The following RAPGEF6 variants were observed in gnomAD, a reference collection of about 807,000 sequenced individuals.
RAPGEF6 encodes PDZ domain containing guanine nucleotide exchange factor (GEF) 2.
In RAPGEF6, 56 loss-of-function variants were observed where a neutral mutation model predicts 171.4. The observed-to-expected ratio is 0.33, with a 90% CI of 0.26 to 0.41. The LOEUF (loss-of-function observed/expected upper bound fraction) is 0.41, where lower values mean the gene tolerates loss of function less well. RAPGEF6 is among the 10% of genes least tolerant of loss of function. The pLI, the probability that RAPGEF6 is intolerant of heterozygous loss-of-function variation, is 1.00. For synonymous variants in RAPGEF6, 692 were observed against 650.1 expected (o/e 1.06, Z -0.98); for missense variants, 1,674 against 1,921.4 (o/e 0.87, Z 2.41).
chr5:131,525,696 T>C (rs1486861696), intron 6 of RAPGEF6, among the ~76,000 whole-genome samples: 1 of 151,898 alleles, frequency 6.6e-6, no homozygotes, highest in Non-Finnish European at 1.5e-5. Flanking sequence ...ATGAAGTAGT[T>C]GGAAAGGCAA....
At chr5:131,441,494 T>C (rs577527985) in intron 23 of RAPGEF6, among the ~76,000 whole-genome samples, 3 of 152,328 alleles carry the variant, frequency 2.0e-5, no homozygotes, top group African/African-American at 7.2e-5. Context: ...CACCAATCTT[T>C]TAGGCTGCTT....
rs59175698 is a variant in RAPGEF6 at position 131,509,542 on chromosome 5, C to CAAAAAAAAAAAAAAAA, written c.805+771_805+772insTTTTTTTTTTTTTTTT. 2.3e-3 allele frequency among the ~76,000 whole-genome samples: 313 copies of CAAAAAAAAAAAAAAAA among 136,756 alleles called. 2 individuals are homozygous for CAAAAAAAAAAAAAAAA. Among genetic ancestry groups the CAAAAAAAAAAAAAAAA allele is most frequent in the African/African-American group, 7.8e-3 (296 of 37,926 alleles). 89.7% of individuals were successfully genotyped at this position (136,756 alleles called of 152,430 possible). A position where few individuals can be genotyped will look rare whatever the true frequency, so the allele number is the denominator to read the frequency against. ...TGGGCGACAGAGTGAGACACCGTCT[C>CAAAAAAAAAAAAAAAA]AAAAAAAAAAATAAGAGTACACACA... On this transcript the variant is annotated intron_variant, in intron 8 of 27. Coordinates refer to ENST00000509018, the MANE Select transcript of RAPGEF6 (RefSeq NM_016340.6).
At chr5:131,544,799 C>T (rs1348976769) in intron 6 of RAPGEF6, among the ~76,000 whole-genome samples, 1 of 152,200 alleles carries the variant, frequency 6.6e-6, no homozygotes, top group Non-Finnish European at 1.5e-5. Flanking sequence ...TCTCCTGCCT[C>T]AGCCTCCCAA....
At chr5:131,453,322 T>TA in intron 20 of RAPGEF6, 145 bp from the exon 21 acceptor site, 1 of 1,357,482 alleles carries the variant, frequency 7.4e-7, no homozygotes, top group East Asian at 2.6e-5. Flanking sequence ...GGTATACCCA[T>TA]ACATGGTTCA....
chr5:131,581,732 A>G (rs1762973676), intron 4 of RAPGEF6, among the ~76,000 whole-genome samples: 4 of 152,214 alleles, frequency 2.6e-5, no homozygotes, highest in Non-Finnish European at 5.9e-5. Flanking sequence ...AGCTGGGCAC[A>G]CCATGGTCAA....
intron 6 of RAPGEF6, among the ~76,000 whole-genome samples, chr5:131,536,639 G>A (rs571464356): frequency 4.6e-5 from 7 of 152,120 alleles, no homozygotes; most frequent in Middle Eastern, 6.8e-3. Flanking sequence ...GAGAGAAACC[G>A]TCATCATCAA....
intron 1 of RAPGEF6, among the ~76,000 whole-genome samples, chr5:131,614,000 G>C (rs999301728): frequency 1.3e-5 from 2 of 152,010 alleles, no homozygotes; most frequent in Non-Finnish European, 2.9e-5. Context: ...AGAACTACCC[G>C]GCTGGACACA....
rs191450205 is a variant in RAPGEF6 at position 131,453,691 on chromosome 5, C to T, written c.3077-514G>A. Among the ~76,000 whole-genome samples, 236 of 152,246 alleles carry T rather than the reference C, an allele frequency of 1.6e-3. 2 individuals carry two copies. Among genetic ancestry groups the T allele is most frequent in the Middle Eastern group, 6.8e-3 (2 of 294 alleles). Reference sequence around the variant, plus strand: ...ACACTTGTCTATAACATAGCATGACCCCATTTATCCCCCGAGGTAGACCCT... The same window carrying T: ...ACACTTGTCTATAACATAGCATGACTCCATTTATCCCCCGAGGTAGACCCT... On this transcript the variant is annotated intron_variant, in intron 20 of 27. Coordinates refer to ENST00000509018, the MANE Select transcript of RAPGEF6 (RefSeq NM_016340.6).
chr5:131,427,056 C>T lies in RAPGEF6; in HGVS notation c.*210G>A. 1.7e-6 allele frequency: 1 copy of T among 592,678 alleles called. No homozygotes were observed. Among genetic ancestry groups the T allele is most frequent in the Non-Finnish European group, 3.0e-6 (1 of 337,088 alleles). 36.7% of individuals were successfully genotyped at this position (592,678 alleles called of 1,614,324 possible). A position where few individuals can be genotyped will look rare whatever the true frequency, so the allele number is the denominator to read the frequency against. ...AGTGGAGACTGGTATCCAGGCATAG[C>T]ATCCATTGCTCAGGAAACTATTTAT... is the stretch of plus-strand genomic sequence containing the variant. On this transcript the variant is annotated 3_prime_UTR_variant, in exon 28 of 28. Coordinates refer to ENST00000509018, the MANE Select transcript of RAPGEF6 (RefSeq NM_016340.6).
chr5:131,505,908 C>T (rs1343110347), intron 9 of RAPGEF6, among the ~76,000 whole-genome samples: 1 of 152,142 alleles, frequency 6.6e-6, no homozygotes, highest in African/African-American at 2.4e-5. Flanking sequence ...TGGAAAGTAT[C>T]TATCATAGAA....
chr5:131,495,336 A>T (rs13164546), intron 13 of RAPGEF6, among the ~76,000 whole-genome samples: 1 of 125,400 alleles, frequency 8.0e-6, no homozygotes, highest in Non-Finnish European at 1.7e-5. Flanking sequence ...AATAAATATA[A>T]ATAAAAAATA....
intron 1 of RAPGEF6, among the ~76,000 whole-genome samples, chr5:131,624,611 T>A (rs972197753): frequency 2.0e-5 from 3 of 151,756 alleles, no homozygotes; most frequent in African/African-American, 7.3e-5. Context: ...CAAGACCTTG[T>A]CTTTAAAAAC....
At chr5:131,594,049 C>T (rs980385128) in intron 3 of RAPGEF6, among the ~76,000 whole-genome samples, 1 of 152,290 alleles carries the variant, frequency 6.6e-6, no homozygotes. Context: ...CAGGGCATTT[C>T]AGAGTCTTTC....
chr5:131,584,258 T>C (rs1763122195), intron 4 of RAPGEF6, among the ~76,000 whole-genome samples: 2 of 152,198 alleles, frequency 1.3e-5, no homozygotes, highest in Admixed American at 6.5e-5. Context: ...GATAAAATGG[T>C]TAACAGACAG....
At chr5:131,485,001 A>G (rs1189868648) in intron 15 of RAPGEF6, among the ~76,000 whole-genome samples, 1 of 152,076 alleles carries the variant, frequency 6.6e-6, no homozygotes, top group Non-Finnish European at 1.5e-5. Context: ...ATCACAGCTC[A>G]TTATAGTCTT....
chr5:131,561,591 C>G (rs992397875), intron 5 of RAPGEF6, among the ~76,000 whole-genome samples: 4 of 143,112 alleles, frequency 2.8e-5, no homozygotes, highest in African/African-American at 1.0e-4. Flanking sequence ...ACCTAGGAGG[C>G]GGAGGTTGCA....
intron 17 of RAPGEF6, among the ~76,000 whole-genome samples, chr5:131,464,912 C>T (rs10068494): frequency 6.6e-6 from 1 of 152,124 alleles, no homozygotes. Context: ...CACATCCTTA[C>T]AAAAATTGTA....
At chr5:131,528,312 A>ATATAT (rs1410723257) in intron 6 of RAPGEF6, among the ~76,000 whole-genome samples, 1 of 40,282 alleles carries the variant, frequency 2.5e-5, no homozygotes, top group Non-Finnish European at 7.0e-5. Flanking sequence ...ATATATTTAT[A>ATATAT]TTATATATAT....
intron 17 of RAPGEF6, among the ~76,000 whole-genome samples, chr5:131,465,110 T>C (rs1754240207): frequency 1.3e-5 from 2 of 152,158 alleles, no homozygotes; most frequent in Admixed American, 1.3e-4. Flanking sequence ...TGCTGTATTG[T>C]AGTAGATAAC....
Sources: gnomAD v4.1 joint callset for allele counts (sites outside exome capture counted in the v4.1 genomes callset) on GRCh38, gnomAD v4.1.1 for gene constraint, MANE v1.5 for transcripts, NCBI Gene and HGNC (gene_info 2026-07-23, HGNC 2026-07-21) for gene names.